RBM6: variants seen among roughly 807,000 people sequenced by gnomAD.
RBM6 encodes the protein RNA-binding protein 6.
In RBM6, 23 loss-of-function variants were observed where a neutral mutation model predicts 140.4. The ratio of observed to expected loss-of-function variants is 0.16; its 90% CI spans 0.12 to 0.23. RBM6 has a LOEUF of 0.23. RBM6 is among the 10% of genes least tolerant of loss of function. The probability of loss-of-function intolerance (pLI) is 1.00; values close to 1 mark genes in which losing one functional copy is unlikely to be tolerated. For missense variants in RBM6, 1,139 were observed against 1,386.7 expected (o/e 0.82, Z 2.84); for synonymous variants, 439 against 475.6 (o/e 0.92, Z 1.00).
At chr3:50,032,391 G>A (rs1444912736) in intron 6 of RBM6, among the ~76,000 whole-genome samples, 3 of 151,714 alleles carry the variant, frequency 2.0e-5, no homozygotes, top group Non-Finnish European at 4.4e-5. Flanking sequence ...GGCTGAGGCA[G>A]GAGAATTGGT....
intron 1 of RBM6, among the ~76,000 whole-genome samples, chr3:49,954,762 CT>C (rs200962144): frequency 2.6e-3 from 375 of 143,438 alleles, no homozygotes; most frequent in Non-Finnish European, 2.9e-3. Context: ...ATTTTGCACA[CT>C]TTTTTTTTTT....
At chr3:50,003,982 C>T (rs921248496) in intron 6 of RBM6, among the ~76,000 whole-genome samples, 1 of 152,182 alleles carries the variant, frequency 6.6e-6, no homozygotes, top group East Asian at 1.9e-4. Context: ...TTATTTCCTT[C>T]TGCTTTGTGT....
chr3:49,985,514 C>G (rs1242809560), intron 5 of RBM6, among the ~76,000 whole-genome samples: 1 of 152,092 alleles, frequency 6.6e-6, no homozygotes, highest in Admixed American at 6.5e-5. Flanking sequence ...AAATATAAGC[C>G]TTCTTAGGAC....
At chr3:50,012,138 C>T (rs2086878185) in intron 6 of RBM6, among the ~76,000 whole-genome samples, 2 of 152,300 alleles carry the variant, frequency 1.3e-5, no homozygotes, top group South Asian at 4.1e-4. Context: ...AGGTGTGAAC[C>T]ATCATGCCTG....
chr3:50,039,041 A>G (rs2088713622), intron 6 of RBM6, among the ~76,000 whole-genome samples: 1 of 152,092 alleles, frequency 6.6e-6, no homozygotes, highest in Non-Finnish European at 1.5e-5. Flanking sequence ...TTCTGTACAT[A>G]TTCTACTTTG....
At chr3:49,940,890 CTTTTTTTTTTTT>C (rs55701667) in intron 1 of RBM6, 10 of 117,846 alleles carry the variant, frequency 8.5e-5, no homozygotes, top group Admixed American at 8.3e-4. Flanking sequence ...TTGGGAATGC[CTTTTTTTTTTTT>C]TTTTTTTTGA....
intron 5 of RBM6, among the ~76,000 whole-genome samples, chr3:49,983,367 G>A (rs1411671442): frequency 6.6e-6 from 1 of 151,920 alleles, no homozygotes; most frequent in Non-Finnish European, 1.5e-5. Context: ...TGATGTGTGC[G>A]TGTAGTCTTA....
chr3:50,044,728 G>T (rs565159667), intron 6 of RBM6, among the ~76,000 whole-genome samples: 2 of 152,268 alleles, frequency 1.3e-5, no homozygotes, highest in Admixed American at 1.3e-4. Context: ...ATGGGGAGGG[G>T]TGCAGTGTAT....
chr3:49,969,855 A>T (rs1387384810), intron 3 of RBM6, among the ~76,000 whole-genome samples: 1 of 149,952 alleles, frequency 6.7e-6, no homozygotes, highest in African/African-American at 2.5e-5. Context: ...TGCAACCTCT[A>T]CCTCCTGGGT....
chr3:49,970,954 AC>A (rs1406293404), intron 3 of RBM6, among the ~76,000 whole-genome samples: 2 of 151,844 alleles, frequency 1.3e-5, no homozygotes, highest in East Asian at 3.9e-4. Context: ...ACATGGTGAA[AC>A]CCCATCTCTA....
At chr3:50,060,003 G>A (rs1220493123) in intron 11 of RBM6, among the ~76,000 whole-genome samples, 3 of 152,228 alleles carry the variant, frequency 2.0e-5, no homozygotes, top group Non-Finnish European at 2.9e-5. Flanking sequence ...ATGGCCTGGC[G>A]TGGTAGCACA....
chr3:49,999,580 T>C, intron 6 of RBM6, 67 bp downstream of exon 6: 3 of 1,232,072 alleles, frequency 2.4e-6, no homozygotes, highest in Non-Finnish European at 3.6e-6. Context: ...GAGGGAGGGT[T>C]TCAAATGATT....
At chr3:49,972,230 A>G (rs2084830496) in intron 4 of RBM6, 82 bp downstream of exon 4, 1 of 1,081,730 alleles carries the variant, frequency 9.2e-7, no homozygotes, top group Non-Finnish European at 1.4e-6. Flanking sequence ...GTAGATTCAC[A>G]AGAAGGTGCA....
At chr3:50,015,668 G>A (rs1490265783) in intron 6 of RBM6, among the ~76,000 whole-genome samples, 1 of 148,190 alleles carries the variant, frequency 6.7e-6, no homozygotes, top group African/African-American at 2.5e-5. Flanking sequence ...TCCTGACCTC[G>A]TGATCCACCT....
intron 20 of RBM6, among the ~76,000 whole-genome samples, chr3:50,075,913 T>C (rs12494172): frequency 0.079 from 12,007 of 152,142 alleles, 526 homozygotes; most frequent in African/African-American, 0.1. Flanking sequence ...CTTGCAATCA[T>C]AGCATCACCA....
At chr3:50,043,172 G>C (rs1180817262) in intron 6 of RBM6, among the ~76,000 whole-genome samples, 1 of 152,088 alleles carries the variant, frequency 6.6e-6, no homozygotes, top group African/African-American at 2.4e-5. Flanking sequence ...AGATGTCTTT[G>C]GTTTTACTTT....
intron 4 of RBM6, among the ~76,000 whole-genome samples, chr3:49,972,697 A>G (rs2084858664): frequency 6.6e-6 from 1 of 152,234 alleles, no homozygotes; most frequent in Non-Finnish European, 1.5e-5. Context: ...ATTGTTCTAG[A>G]TACTGAGTGA....
chr3:49,964,185 G>A (rs1273709610), intron 2 of RBM6, among the ~76,000 whole-genome samples: 1 of 152,114 alleles, frequency 6.6e-6, no homozygotes, highest in African/African-American at 2.4e-5. Flanking sequence ...GGGACTATAA[G>A]TGTGAGCCAC....
At chr3:49,949,740 C>T (rs2083652135) in intron 1 of RBM6, among the ~76,000 whole-genome samples, 1 of 152,096 alleles carries the variant, frequency 6.6e-6, no homozygotes, top group East Asian at 1.9e-4. Flanking sequence ...GTCTTGATCT[C>T]CTGACCTCGT....
Sources: gnomAD v4.1 joint callset for allele counts (sites outside exome capture counted in the v4.1 genomes callset) on GRCh38, gnomAD v4.1.1 for gene constraint, MANE v1.5 for transcripts, NCBI Gene and HGNC (gene_info 2026-07-23, HGNC 2026-07-21) for gene names.